CCND2: variants seen among roughly 807,000 people sequenced by gnomAD.
CCND2 encodes G1/S-specific cyclin-D2.
In CCND2, 6 loss-of-function variants were observed where a neutral mutation model predicts 30.2. That is an observed-to-expected ratio of 0.20 (90% CI 0.11 to 0.39). The LOEUF is 0.39. Ranked by LOEUF, CCND2 falls within the 10% of genes least tolerant of loss-of-function variation. The pLI is 1.00. For missense variants in CCND2, 235 were observed against 373.4 expected, an observed-to-expected ratio of 0.63 and a Z score of 3.06; for synonymous variants, 150 against 153.1, an observed-to-expected ratio of 0.98 and a Z score of 0.15.
In CCND2 at chr12:4,300,066, T is replaced by C. The variant is rs1408257063; in HGVS notation, c.*57T>C. 1.3e-6 allele frequency: 2 copies of C among 1,512,702 alleles called. No individual in the cohort carries two copies. Among genetic ancestry groups the C allele is most frequent in the East Asian group, 2.4e-5 (1 of 42,292 alleles). The allele number at this position is 1,512,702 out of a possible 1,614,324, so 93.7% of individuals were successfully genotyped here. ...GTCCATAATCTGGTCTCTTCTTCTT[T>C]CTGGTTGTTTTTGTTCTTTGTGTTT... On this transcript the variant is annotated 3_prime_UTR_variant, in exon 5 of 5. Transcript: ENST00000261254.
rs1231655269 is a variant in CCND2, at chr12:4,274,434, G to A, written c.195+199G>A. Reference sequence around the variant, plus strand: ...AGATAAACTGGGGAGGCAGAGGGGGGAGGAAAATCTGGGAGAAGCGAGGCT... The same window carrying A: ...AGATAAACTGGGGAGGCAGAGGGGGAAGGAAAATCTGGGAGAAGCGAGGCT... On this transcript the variant is annotated intron_variant, in intron 1 of 4. Coordinates refer to ENST00000261254, the MANE Select transcript of CCND2 (RefSeq NM_001759.4). This position sits in a 1 kb window ranked among gnomAD's most constrained non-coding sequence, Gnocchi z 7.7. 6.6e-6 allele frequency among the ~76,000 whole-genome samples: 1 copy of A among 152,230 alleles called. No homozygotes were observed. Among genetic ancestry groups the A allele is most frequent in the Non-Finnish European group, 1.5e-5 (1 of 68,050 alleles).
intron 3 of CCND2, among the ~76,000 whole-genome samples, chr12:4,280,183 C>T (rs1205925084): frequency 6.6e-6 from 1 of 152,246 alleles, no homozygotes; most frequent in Non-Finnish European, 1.5e-5. Context: ...CGTGGACGTG[C>T]TTTGTAAACC....
chr12:4,281,915 G>T (rs977570046), intron 3 of CCND2, among the ~76,000 whole-genome samples: 2 of 125,574 alleles, frequency 1.6e-5, no homozygotes, highest in African/African-American at 6.0e-5. Context: ...CAAGCTGCTG[G>T]TATCCCTCTG....
Position 4,274,244 on chromosome 12 carries a change from G to C in CCND2, c.195+9G>C, listed in dbSNP as rs1014244917. The C allele has an allele frequency of 1.1e-5, 17 of 1,613,190 alleles. No individual in the cohort carries two copies. Among genetic ancestry groups the C allele is most frequent in the South Asian group, 4.4e-5 (4 of 91,072 alleles). ...CCACCTGGATGCTGGAGGTAGGTCGGGGGGTGGCGCTCGCCAGGAGCCAGG... is the reference window on the plus strand; with the variant it reads ...CCACCTGGATGCTGGAGGTAGGTCGCGGGGTGGCGCTCGCCAGGAGCCAGG... On this transcript the variant is annotated intron_variant, in intron 1 of 4. Coordinates refer to ENST00000261254, the MANE Select transcript of CCND2 (RefSeq NM_001759.4). The surrounding 1 kb of genome is among the most constrained non-coding windows in gnomAD (Gnocchi z 7.7).
intron 3 of CCND2, among the ~76,000 whole-genome samples, chr12:4,280,895 A>G (rs1863939577): frequency 6.6e-6 from 1 of 152,218 alleles, no homozygotes; most frequent in East Asian, 1.9e-4. Context: ...GGGTGTGGGC[A>G]GATCCCCAGA....
At chr12:4,278,956 A>T in intron 3 of CCND2, 37 bp downstream of exon 3, 1 of 1,586,338 alleles carries the variant, frequency 6.3e-7, no homozygotes. Flanking sequence ...GAGATGGGGG[A>T]GCTCTTTTGG....
intron 4 of CCND2, among the ~76,000 whole-genome samples, chr12:4,291,251 G>A (rs552060283): frequency 6.0e-4 from 77 of 128,230 alleles, no homozygotes; most frequent in African/African-American, 2.1e-3. Context: ...ACCTTTCCAA[G>A]TGCTAAATCT....
chr12:4,275,672 G>A (rs918374295), intron 1 of CCND2, among the ~76,000 whole-genome samples: 1 of 151,598 alleles, frequency 6.6e-6, no homozygotes, highest in African/African-American at 2.4e-5. Flanking sequence ...AAAAGAGTGA[G>A]TGAGTTAGAG....
chr12:4,277,938 AAG>A (rs1308937747), intron 2 of CCND2, among the ~76,000 whole-genome samples: 1 of 152,220 alleles, frequency 6.6e-6, no homozygotes, highest in African/African-American at 2.4e-5. Flanking sequence ...ATCTCAGTGA[AAG>A]AGGGAAACAA....
intron 4 of CCND2, among the ~76,000 whole-genome samples, chr12:4,292,545 GAT>G (rs3217878): frequency 7.9e-5 from 12 of 152,244 alleles, no homozygotes; most frequent in South Asian, 2.1e-4. Flanking sequence ...AGATAGCTTT[GAT>G]ATGAGGGACG....
intron 2 of CCND2, chr12:4,278,538 T>G (rs1230680498): frequency 4.6e-6 from 2 of 439,424 alleles, no homozygotes; most frequent in Non-Finnish European, 4.1e-6. Flanking sequence ...CTACCTGGGC[T>G]CTCATTATTT....
intron 4 of CCND2, among the ~76,000 whole-genome samples, chr12:4,292,278 C>T (rs1351538865): frequency 1.3e-5 from 2 of 152,118 alleles, no homozygotes; most frequent in African/African-American, 2.4e-5. Flanking sequence ...GTGAAATACA[C>T]AGGACCACAT....
intron 4 of CCND2, among the ~76,000 whole-genome samples, chr12:4,292,971 C>T (rs1864120571): frequency 6.6e-6 from 1 of 152,196 alleles, no homozygotes; most frequent in African/African-American, 2.4e-5. Flanking sequence ...CCAGCTTTTC[C>T]TCAGCTCTTT....
intron 3 of CCND2, among the ~76,000 whole-genome samples, chr12:4,283,070 G>C (rs1022881543): frequency 4.6e-5 from 7 of 152,174 alleles, no homozygotes; most frequent in African/African-American, 1.7e-4. Context: ...CAAAATGATG[G>C]GTGCTAAATG....
rs973409691 is a variant in CCND2, at chr12:4,282,255, C to T, written c.571+3336C>T. Among the ~76,000 whole-genome samples, 3 of 152,140 alleles carry T rather than the reference C, an allele frequency of 2.0e-5. No homozygotes were observed. The highest frequency in any genetic ancestry group is 2.9e-5 in the Non-Finnish European group (2 of 68,004). The stretch of plus-strand genomic sequence containing the variant: ...GGGGGAGGTGCTCACCCTCCCTCTC[C>T]AGGCACCCACATCCCCTCTTTCTTC... On this transcript the variant is annotated intron_variant, in intron 3 of 4. Coordinates refer to ENST00000261254, the MANE Select transcript of CCND2 (RefSeq NM_001759.4). This position sits in a 1 kb window ranked among gnomAD's most constrained non-coding sequence, Gnocchi z 4.3.
In CCND2 at chr12:4,301,172, A is replaced by G; in HGVS notation, c.*1163A>G. Reference sequence around the variant, plus strand: ...ACTCAAGAGACACCCCTTCCTGCTGACATTCCCATCACAACATTCCTCAGA... The same window carrying G: ...ACTCAAGAGACACCCCTTCCTGCTGGCATTCCCATCACAACATTCCTCAGA... On this transcript the variant is annotated 3_prime_UTR_variant, in exon 5 of 5. Coordinates refer to ENST00000261254, the MANE Select transcript of CCND2 (RefSeq NM_001759.4). 1 of 233,530 alleles carries G rather than the reference A, an allele frequency of 4.3e-6. No homozygotes were observed. The highest frequency in any genetic ancestry group is 8.5e-6 in the Non-Finnish European group (1 of 118,008). The allele number at this position is 233,530 out of a possible 1,614,324, so 14.5% of individuals were successfully genotyped here.
intron 4 of CCND2, 136 bp downstream of exon 4, chr12:4,289,126 A>G (rs2120561422): frequency 4.2e-6 from 3 of 720,842 alleles, no homozygotes; most frequent in East Asian, 3.6e-5. Flanking sequence ...AGGGAGTGCA[A>G]AGTTCAGCAG....
Position 4,304,139 on chromosome 12 carries a change from G to A in CCND2, c.*4130G>A, listed in dbSNP as rs1864286695. 1.3e-5 allele frequency: 3 copies of A among 233,248 alleles called. No homozygotes were observed. The highest frequency in any genetic ancestry group is 1.8e-4 in the South Asian group (1 of 5,526). The allele number at this position is 233,248 out of a possible 1,614,324, so 14.4% of individuals were successfully genotyped here. On this transcript the variant is annotated 3_prime_UTR_variant, in exon 5 of 5. Coordinates refer to ENST00000261254, the MANE Select transcript of CCND2 (RefSeq NM_001759.4). This position sits in a 1 kb window ranked among gnomAD's most constrained non-coding sequence, Gnocchi z 6.2. Reference sequence around the variant, plus strand: ...GGGAATTTTCTCTCCATGGGCCACAGGGGACAGGGCTGGGAGAAGAAATAG... The same window carrying A: ...GGGAATTTTCTCTCCATGGGCCACAAGGGACAGGGCTGGGAGAAGAAATAG...
At position 4,300,176 on chromosome 12, in the gene CCND2, A is replaced by G. The variant is rs1471009022; in HGVS notation, c.*167A>G. The stretch of plus-strand genomic sequence containing the variant: ...AGAAGTGAGAGAAAAAGGTCCTACG[A>G]AAACGGAATAATAAAAAGCATTTGG... On this transcript the variant is annotated 3_prime_UTR_variant, in exon 5 of 5. Coordinates refer to ENST00000261254, the MANE Select transcript of CCND2 (RefSeq NM_001759.4). 1 of 648,892 alleles carries G rather than the reference A, an allele frequency of 1.5e-6. No homozygotes were observed. Among genetic ancestry groups the G allele is most frequent in the Non-Finnish European group, 2.5e-6 (1 of 395,622 alleles). The allele number at this position is 648,892 out of a possible 1,614,324, so 40.2% of individuals were successfully genotyped here.
Sources: allele counts gnomAD v4.1 joint callset (sites outside exome capture counted in the v4.1 genomes callset), GRCh38; gene constraint gnomAD v4.1.1; non-coding constraint Gnocchi (gnomAD v3.1); transcripts MANE v1.5; gene names NCBI Gene and HGNC (gene_info 2026-07-23, HGNC 2026-07-21).